The following SAMD5 variants were observed in gnomAD, a reference collection of about 807,000 sequenced individuals.
SAMD5 encodes sterile alpha motif domain-containing protein 5.
SAMD5 carries 13 observed loss-of-function variants against 11.3 expected under a neutral mutation model. That is an observed-to-expected ratio of 1.15 (90% CI 0.75 to 1.83). The LOEUF (loss-of-function observed/expected upper bound fraction) is 1.83. SAMD5 is among the 40% of genes most tolerant of loss of function. The pLI is 0.00. For missense variants in SAMD5, 255 were observed against 239.1 expected, an observed-to-expected ratio of 1.07 and a Z score of -0.44; for synonymous variants, 129 against 111.3, an observed-to-expected ratio of 1.16 and a Z score of -1.00.
the SAMD5 span, among the ~76,000 whole-genome samples, chr6:147,914,413 G>A: frequency 3.9e-5 from 6 of 152,106 alleles, no homozygotes; most frequent in Non-Finnish European, 7.3e-5. Flanking sequence ...CCAGAGCTGG[G>A]ACAATTTGAG....
chr6:147,835,994 C>G, the SAMD5 span, among the ~76,000 whole-genome samples: 2 of 152,232 alleles, frequency 1.3e-5, no homozygotes, highest in Non-Finnish European at 2.9e-5. Context: ...GGCATTTCAC[C>G]TCTTGATTAC....
the SAMD5 span, among the ~76,000 whole-genome samples, chr6:147,832,114 A>T: frequency 6.6e-6 from 1 of 152,130 alleles, no homozygotes; most frequent in Non-Finnish European, 1.5e-5. Context: ...GGGAAGAAAA[A>T]CCTAATACAT....
chr6:147,565,222 A>C lies in SAMD5; in HGVS notation c.*766A>C. 1 of 985,914 alleles carries C rather than the reference A, an allele frequency of 1.0e-6. No homozygotes were observed. Among genetic ancestry groups the C allele is most frequent in the Non-Finnish European group, 1.2e-6 (1 of 829,998 alleles). 61.1% of individuals were successfully genotyped at this position (985,914 alleles called of 1,614,324 possible). The stretch of plus-strand genomic sequence containing the variant: ...ATAGCTAGTTTCTTGCACTCTGTGG[A>C]GACTGCCAGGGCCGCAGCTCACAGC... On this transcript the variant is annotated 3_prime_UTR_variant, in exon 2 of 2. Transcript: ENST00000367474.
intron 1 of SAMD5, among the ~76,000 whole-genome samples, chr6:147,736,640 T>C (rs1223795299): frequency 1.3e-5 from 2 of 152,186 alleles, no homozygotes; most frequent in African/African-American, 4.8e-5. Flanking sequence ...CATGTTCTGA[T>C]GGGCTTGGGC....
chr6:147,920,993 C>G, the SAMD5 span, among the ~76,000 whole-genome samples: 1 of 152,156 alleles, frequency 6.6e-6, no homozygotes, highest in South Asian at 2.1e-4. Flanking sequence ...TCTTAAAAAT[C>G]TCAAACCTAA....
At chr6:147,920,201 C>T in the SAMD5 span, among the ~76,000 whole-genome samples, 11 of 152,208 alleles carry the variant, frequency 7.2e-5, 1 homozygote, top group South Asian at 2.1e-3. Flanking sequence ...TGGGTGGGCA[C>T]CATCTCATCA....
chr6:147,665,049 C>T (rs994451623), intron 1 of SAMD5, among the ~76,000 whole-genome samples: 9 of 152,108 alleles, frequency 5.9e-5, no homozygotes, highest in African/African-American at 2.2e-4. Context: ...TGGGCATTTG[C>T]TCTGTTACAG....
chr6:147,654,763 T>C (rs1318471938), intron 1 of SAMD5, among the ~76,000 whole-genome samples: 1 of 131,154 alleles, frequency 7.6e-6, no homozygotes, highest in Non-Finnish European at 1.6e-5. Context: ...CCTGGATGGT[T>C]TGACTATCTT....
At chr6:147,540,697 TCA>T (rs1196488170) in intron 1 of SAMD5, among the ~76,000 whole-genome samples, 2 of 151,980 alleles carry the variant, frequency 1.3e-5, no homozygotes, top group Non-Finnish European at 2.9e-5. Flanking sequence ...AAGACGAGTC[TCA>T]CAAATCCTTT....
At chr6:147,639,884 T>C (rs989944535) in intron 1 of SAMD5, among the ~76,000 whole-genome samples, 1 of 152,142 alleles carries the variant, frequency 6.6e-6, no homozygotes, top group Admixed American at 6.5e-5. Flanking sequence ...TGAGATTTTT[T>C]TTTTCTTTTC....
At chr6:147,739,174 C>T (rs1336945710), downstream of SAMD5, among the ~76,000 whole-genome samples, 2 of 152,210 alleles carry the variant, frequency 1.3e-5, no homozygotes, top group Non-Finnish European at 2.9e-5. Flanking sequence ...GTTCTGTTTT[C>T]CTTGAGCCTA....
At chr6:147,921,711 AACCAC>A in the SAMD5 span, among the ~76,000 whole-genome samples, 1 of 152,102 alleles carries the variant, frequency 6.6e-6, no homozygotes, top group East Asian at 1.9e-4. Flanking sequence ...TTTGGAGGGC[AACCAC>A]CCAGCTGACA....
the SAMD5 span, among the ~76,000 whole-genome samples, chr6:147,788,055 C>A: frequency 9.1e-3 from 1,386 of 152,272 alleles, 17 homozygotes; most frequent in African/African-American, 0.032. Flanking sequence ...TGGATGTCAA[C>A]CCAAACAGCT....
intron 1 of SAMD5, among the ~76,000 whole-genome samples, chr6:147,651,940 A>G (rs948793891): frequency 1.4e-5 from 2 of 138,426 alleles, no homozygotes; most frequent in Non-Finnish European, 3.3e-5. Flanking sequence ...TGGGGGTCGG[A>G]GTCCCACAGC....
At chr6:147,671,645 A>G (rs1320285121) in intron 1 of SAMD5, among the ~76,000 whole-genome samples, 1 of 152,104 alleles carries the variant, frequency 6.6e-6, no homozygotes. Context: ...TTTTTGCTTA[A>G]TATCTTCAAC....
the SAMD5 span, among the ~76,000 whole-genome samples, chr6:147,878,601 ATATC>A: frequency 2.7e-5 from 4 of 145,552 alleles, no homozygotes; most frequent in Admixed American, 6.8e-5. Context: ...ATATACATAT[ATATC>A]TATATAGATA....
At chr6:147,529,694 C>T (rs867785932) in intron 1 of SAMD5, among the ~76,000 whole-genome samples, 1 of 152,174 alleles carries the variant, frequency 6.6e-6, no homozygotes, top group Non-Finnish European at 1.5e-5. Context: ...TACTTCATCT[C>T]CACCTCTAAG....
At chr6:147,702,265 C>G (rs1000372697) in intron 1 of SAMD5, among the ~76,000 whole-genome samples, 1 of 152,154 alleles carries the variant, frequency 6.6e-6, no homozygotes, top group Non-Finnish European at 1.5e-5. Context: ...CAGGGTACCT[C>G]CTAGGACATG....
intron 1 of SAMD5, among the ~76,000 whole-genome samples, chr6:147,712,830 G>T (rs58054631): frequency 0.083 from 12,593 of 151,372 alleles, 1,332 homozygotes; most frequent in African/African-American, 0.25. Context: ...AAAGTCTGTT[G>T]TTTAAGCCAC....
Sources: allele counts gnomAD v4.1 joint callset (sites outside exome capture counted in the v4.1 genomes callset), GRCh38; gene constraint gnomAD v4.1.1; transcripts MANE v1.5; gene names NCBI Gene and HGNC (gene_info 2026-07-23, HGNC 2026-07-21).